Variants in THSD7B observed in about 807,000 individuals in gnomAD.
The protein encoded by THSD7B is thrombospondin type 1 domain containing 7B.
THSD7B carries 138 observed loss-of-function variants against 213.6 expected under a neutral mutation model. The ratio of observed to expected loss-of-function variants is 0.65; its 90% CI spans 0.56 to 0.74. The LOEUF is 0.74. Among genes scored for constraint, THSD7B ranks in the 30% least tolerant of loss-of-function variants. The probability of loss-of-function intolerance (pLI) is 0.00; values close to 1 mark genes in which losing one functional copy is unlikely to be tolerated. For missense variants in THSD7B, 1,931 were observed against 1,991.5 expected (o/e 0.97, Z 0.58); for synonymous variants, 742 against 687.0 (o/e 1.08, Z -1.25).
intron 2 of THSD7B, among the ~76,000 whole-genome samples, chr2:137,036,126 A>G (rs1686769307): frequency 6.6e-6 from 1 of 152,200 alleles, no homozygotes; most frequent in South Asian, 2.1e-4. Flanking sequence ...TTTTAAATAC[A>G]TTATCATGAA....
At position 137,112,572 on chromosome 2, in the gene THSD7B, A is replaced by G. The variant is rs375150165; in HGVS notation, c.1200-2552A>G. On this transcript the variant is annotated intron_variant, in intron 4 of 27. Coordinates refer to ENST00000409968, the MANE Select transcript of THSD7B (RefSeq NM_001316349.2). ...GCTATTTCTTGTAGGGTCATGTTAA[A>G]TTAATTGTAAAAGCAATTTATACAG... 2.2e-4 allele frequency among the ~76,000 whole-genome samples: 34 copies of G among 152,350 alleles called. 2 individuals are homozygous for G. Among genetic ancestry groups the G allele is most frequent in the East Asian group, 1.5e-3 (8 of 5,184 alleles).
chr2:137,218,355 G>C (rs992364861), intron 7 of THSD7B, among the ~76,000 whole-genome samples: 4 of 152,036 alleles, frequency 2.6e-5, no homozygotes, highest in African/African-American at 9.7e-5. Flanking sequence ...TGAAACATTT[G>C]CTTAAGTTCA....
At chr2:137,200,199 C>G (rs1237824979) in intron 7 of THSD7B, among the ~76,000 whole-genome samples, 1 of 151,996 alleles carries the variant, frequency 6.6e-6, no homozygotes, top group African/African-American at 2.4e-5. Context: ...CATAGGAGTA[C>G]CTTTTTATTC....
intron 1 of THSD7B, among the ~76,000 whole-genome samples, chr2:136,770,962 C>T (rs1306363745): frequency 1.3e-5 from 2 of 151,984 alleles, no homozygotes; most frequent in Non-Finnish European, 2.9e-5. Flanking sequence ...ATATTAAGTT[C>T]CTTCCTTCCT....
chr2:136,991,471 CT>C (rs202128940), intron 2 of THSD7B, among the ~76,000 whole-genome samples: 1 of 151,630 alleles, frequency 6.6e-6, no homozygotes, highest in African/African-American at 2.4e-5. Flanking sequence ...TTTTGATTAC[CT>C]TTTTTTTGTC....
At chr2:137,170,064 A>G (rs1680214608) in intron 6 of THSD7B, among the ~76,000 whole-genome samples, 1 of 152,074 alleles carries the variant, frequency 6.6e-6, no homozygotes, top group South Asian at 2.1e-4. Flanking sequence ...GTTGATTTGC[A>G]TTTGTGACTC....
intron 2 of THSD7B, among the ~76,000 whole-genome samples, chr2:137,050,442 A>G (rs928388668): frequency 1.3e-5 from 2 of 152,234 alleles, no homozygotes; most frequent in Non-Finnish European, 2.9e-5. Flanking sequence ...CTTTTCAGTC[A>G]GAGGCATCTG....
intron 12 of THSD7B, among the ~76,000 whole-genome samples, chr2:137,395,631 T>G (rs1036684368): frequency 1.3e-5 from 2 of 152,210 alleles, no homozygotes; most frequent in Non-Finnish European, 2.9e-5. Flanking sequence ...TCTCTTTTTT[T>G]GTTGTGTCTC....
intron 27 of THSD7B, among the ~76,000 whole-genome samples, chr2:137,670,784 G>A (rs994543819): frequency 2.6e-5 from 4 of 151,994 alleles, no homozygotes; most frequent in Non-Finnish European, 2.9e-5. Flanking sequence ...AGCCAGGTGT[G>A]GTGGCGGGCG....
At position 137,113,984 on chromosome 2, in the gene THSD7B, GA is replaced by G. The variant is rs533350134; in HGVS notation, c.1200-1138del. Among the ~76,000 whole-genome samples the G allele has an allele frequency of 2.0e-4, 31 of 152,280 alleles. No homozygotes were observed. In the East Asian group the frequency reaches 3.9e-3, roughly 19 times the overall value. ...TGATTCTTAGCTTTCAGGCTTTTTA[GA>G]ATGATGACATTCATTGTTAGGGATT... On this transcript the variant is annotated intron_variant, in intron 4 of 27. Coordinates refer to ENST00000409968, the MANE Select transcript of THSD7B (RefSeq NM_001316349.2).
At chr2:137,063,337 G>T (rs145863653) in intron 3 of THSD7B, among the ~76,000 whole-genome samples, 212 of 151,626 alleles carry the variant, frequency 1.4e-3, no homozygotes, top group African/African-American at 5.0e-3. Context: ...TTCATTTATT[G>T]TCCTTGTTCT....
At chr2:136,847,404 C>G (rs1373605833) in intron 1 of THSD7B, among the ~76,000 whole-genome samples, 1 of 152,138 alleles carries the variant, frequency 6.6e-6, no homozygotes, top group Non-Finnish European at 1.5e-5. Context: ...GATAGGATTA[C>G]AGGCTCAGAG....
intron 10 of THSD7B, among the ~76,000 whole-genome samples, chr2:137,255,736 G>T (rs761052527): frequency 1.3e-5 from 2 of 152,074 alleles, no homozygotes; most frequent in East Asian, 1.9e-4. Flanking sequence ...TTAGAAACAG[G>T]GTCTGGCTTT....
At chr2:137,441,901 A>C (rs553639950) in intron 14 of THSD7B, among the ~76,000 whole-genome samples, 7 of 152,128 alleles carry the variant, frequency 4.6e-5, no homozygotes, top group Non-Finnish European at 1.0e-4. Flanking sequence ...ACCTACCCCA[A>C]AAACATAATA....
Position 137,290,117 on chromosome 2 carries a change from T to C in THSD7B, c.2500+14091T>C, listed in dbSNP as rs1363863614. Among the ~76,000 whole-genome samples, 311 of 149,180 alleles carry C rather than the reference T, an allele frequency of 2.1e-3. 1 individual carries two copies. Among genetic ancestry groups the C allele is most frequent in the Middle Eastern group, 3.4e-3 (1 of 290 alleles). ...TCAGCCCCAAAGAGTTTTCTTTTTT[T>C]TTTTTTTTTTTTTAGATGGAGTCTC... On this transcript the variant is annotated intron_variant, in intron 12 of 27. Transcript: ENST00000409968.
At chr2:137,583,843 A>G (rs999367702) in intron 17 of THSD7B, among the ~76,000 whole-genome samples, 19 of 152,162 alleles carry the variant, frequency 1.2e-4, no homozygotes, top group Non-Finnish European at 1.9e-4. Context: ...TTCCATATGA[A>G]CTTTAAAGTA....
intron 3 of THSD7B, among the ~76,000 whole-genome samples, chr2:137,065,998 A>G (rs1687370200): frequency 6.6e-6 from 1 of 151,870 alleles, no homozygotes; most frequent in Non-Finnish European, 1.5e-5. Context: ...TTCCTTCTCC[A>G]ATTGGCAGTT....
rs1687056128 is a variant in THSD7B, at chr2:137,050,730, A to G, written c.140-5690A>G. On this transcript the variant is annotated intron_variant, in intron 2 of 27. Transcript: ENST00000409968. ...ACACACATATTCAGGCCATGAATGT[A>G]CCATGAATGTTTTTTATTTTTTTAA... is the stretch of plus-strand genomic sequence containing the variant. 2.6e-5 allele frequency among the ~76,000 whole-genome samples: 4 copies of G among 152,210 alleles called. No individual in the cohort carries two copies. The South Asian group carries it at 8.3e-4, about 32-fold the overall frequency.
At chr2:137,579,917 A>G (rs1681540530) in intron 17 of THSD7B, among the ~76,000 whole-genome samples, 1 of 152,136 alleles carries the variant, frequency 6.6e-6, no homozygotes, top group Admixed American at 6.6e-5. Flanking sequence ...TCCTGGAAAG[A>G]GTTTTATATA....
Sources: allele counts gnomAD v4.1 joint callset (sites outside exome capture counted in the v4.1 genomes callset), GRCh38; gene constraint gnomAD v4.1.1; transcripts MANE v1.5; gene names NCBI Gene and HGNC (gene_info 2026-07-23, HGNC 2026-07-21).